Variants in GALNT15 observed in about 807,000 individuals in gnomAD.
GALNT15 encodes the protein polypeptide N-acetylgalactosaminyltransferase 15.
A neutral mutation model predicts 66.8 loss-of-function variants in GALNT15; 67 were observed. The ratio of observed to expected loss-of-function variants is 1.00; its 90% confidence interval spans 0.82 to 1.23. GALNT15 has a LOEUF of 1.23. Among genes scored for constraint, GALNT15 ranks in the 50% most tolerant of loss-of-function variants. The pLI is 0.00. For synonymous variants in GALNT15, 313 were observed against 311.5 expected (o/e 1.00, Z -0.05); for missense variants, 827 against 804.3 (o/e 1.03, Z -0.34).
chr3:16,183,487 A>G lies in GALNT15; in HGVS notation c.539+7797A>G, dbSNP rs2063489080. 6.6e-6 allele frequency among the ~76,000 whole-genome samples: 1 copy of G among 152,228 alleles called. No individual in the cohort carries two copies. The highest frequency in any genetic ancestry group is 2.4e-5 in the African/African-American group (1 of 41,452). On this transcript the variant is annotated intron_variant, in intron 1 of 9. Transcript: ENST00000339732. This position sits in a 1 kb window ranked among gnomAD's most constrained non-coding sequence, Gnocchi z 5.2. The stretch of plus-strand genomic sequence containing the variant: ...ACTCCCCTGTTAATCTTGACAACCA[A>G]CTTACACACTTCCTGAGAACAAGTT...
Position 16,211,258 on chromosome 3 carries a change from G to A in GALNT15, c.1197+17G>A. ...TCTTTCAAGGTATGTCCTGGACCAAGGGAGGACAGAGGTGGGATCTCTGGA... is the reference window on the plus strand; with the variant it reads ...TCTTTCAAGGTATGTCCTGGACCAAAGGAGGACAGAGGTGGGATCTCTGGA... On this transcript the variant is annotated intron_variant, in intron 5 of 9. Coordinates refer to ENST00000339732, the MANE Select transcript of GALNT15 (RefSeq NM_054110.5). The surrounding 1 kb of genome is among the most constrained non-coding windows in gnomAD (Gnocchi z 4.3). 1 of 1,522,150 alleles carries A rather than the reference G, an allele frequency of 6.6e-7. No individual in the cohort carries two copies. Among genetic ancestry groups the A allele is most frequent in the Admixed American group, 1.7e-5 (1 of 59,912 alleles). 94.3% of individuals were successfully genotyped at this position (1,522,150 alleles called of 1,614,324 possible).
chr3:16,228,025 G>A lies in GALNT15; in HGVS notation c.*525G>A. ...TTTGTTGAGCCATATCTCAGAAGAA[G>A]GAAAGGGAGCTACAGAAAGGAGGTT... On this transcript the variant is annotated 3_prime_UTR_variant, in exon 10 of 10. Transcript: ENST00000339732. 5.1e-6 allele frequency: 5 copies of A among 987,408 alleles called. No homozygotes were observed. Among genetic ancestry groups the A allele is most frequent in the Non-Finnish European group, 6.0e-6 (5 of 831,198 alleles). The allele number at this position is 987,408 out of a possible 1,614,324, so 61.2% of individuals were successfully genotyped here.
chr3:16,247,190 A>G, the GALNT15 span, among the ~76,000 whole-genome samples: 1 of 152,046 alleles, frequency 6.6e-6, no homozygotes, highest in Admixed American at 6.6e-5. Context: ...CTTATCAGCC[A>G]TGACACAGAA....
chr3:16,215,936 A>G (rs2063870596), intron 6 of GALNT15, among the ~76,000 whole-genome samples: 2 of 150,996 alleles, frequency 1.3e-5, no homozygotes, highest in Non-Finnish European at 2.9e-5. Context: ...GAAGAGGAAG[A>G]AGAAGAAGAA....
At chr3:16,196,504 A>G (rs1424158910) in intron 2 of GALNT15, among the ~76,000 whole-genome samples, 1 of 152,180 alleles carries the variant, frequency 6.6e-6, no homozygotes, top group Non-Finnish European at 1.5e-5. Flanking sequence ...TTCCTCTCAC[A>G]GGAACCTGGC....
the GALNT15 span, among the ~76,000 whole-genome samples, chr3:16,244,575 G>T: frequency 2.6e-5 from 4 of 152,324 alleles, no homozygotes; most frequent in Middle Eastern, 3.4e-3. Context: ...AGCACAGTTG[G>T]GGTACACACT....
chr3:16,246,152 G>A, the GALNT15 span, among the ~76,000 whole-genome samples: 4 of 151,822 alleles, frequency 2.6e-5, no homozygotes, highest in African/African-American at 9.7e-5. Flanking sequence ...GAAACAACCT[G>A]ACCTCCTTAG....
Position 16,204,691 on chromosome 3 carries a change from T to C in GALNT15, c.912-3812T>C, listed in dbSNP as rs568631457. The stretch of plus-strand genomic sequence containing the variant: ...TGAAAGGGGCTGAAAGATGATATCA[T>C]CTCAAGAAGCTGAACAAGTTATCTC... On this transcript the variant is annotated intron_variant, in intron 3 of 9. Transcript: ENST00000339732. This position sits in a 1 kb window ranked among gnomAD's most constrained non-coding sequence, Gnocchi z 4.5. Among the ~76,000 whole-genome samples the C allele has an allele frequency of 5.9e-5, 9 of 152,270 alleles. No individual in the cohort carries two copies. The East Asian group carries it at 1.4e-3, about 23-fold the overall frequency.
Position 16,219,136 on chromosome 3 carries a change from T to C in GALNT15, c.1393-267T>C, listed in dbSNP as rs116457895. Among the ~76,000 whole-genome samples the C allele has an allele frequency of 6.3e-3, 956 of 152,220 alleles. 4 individuals are homozygous for C. The highest frequency in any genetic ancestry group is 0.011 in the Non-Finnish European group (734 of 68,012). On this transcript the variant is annotated intron_variant, in intron 6 of 9. Coordinates refer to ENST00000339732, the MANE Select transcript of GALNT15 (RefSeq NM_054110.5). This position sits in a 1 kb window ranked among gnomAD's most constrained non-coding sequence, Gnocchi z 4.3. ...ATTGTAGTCTTTATAGACTGGAGATTTGAGGGATTGTGGGAAGGGGCTGAT... is the reference window on the plus strand; with the variant it reads ...ATTGTAGTCTTTATAGACTGGAGATCTGAGGGATTGTGGGAAGGGGCTGAT...
rs1451894280 is a variant in GALNT15, at chr3:16,204,033, G to A, written c.911+3210G>A. ...GACACAGTGCCCAAAAGACAGAAAA[G>A]GGTCTTTAAGAGCTCTTATAAAAAA... On this transcript the variant is annotated intron_variant, in intron 3 of 9. Transcript: ENST00000339732. The surrounding 1 kb of genome is among the most constrained non-coding windows in gnomAD (Gnocchi z 4.5). Among the ~76,000 whole-genome samples, 1 of 151,906 alleles carries A rather than the reference G, an allele frequency of 6.6e-6. No homozygotes were observed. The highest frequency in any genetic ancestry group is 1.5e-5 in the Non-Finnish European group (1 of 68,004).
At position 16,180,593 on chromosome 3, in the gene GALNT15, T is replaced by G. The variant is rs1406747126; in HGVS notation, c.539+4903T>G. Among the ~76,000 whole-genome samples the G allele has an allele frequency of 1.3e-5, 2 of 152,152 alleles. No individual in the cohort carries two copies. Among genetic ancestry groups the G allele is most frequent in the Non-Finnish European group, 2.9e-5 (2 of 68,038 alleles). On this transcript the variant is annotated intron_variant, in intron 1 of 9. Transcript: ENST00000339732. The surrounding 1 kb of genome is among the most constrained non-coding windows in gnomAD (Gnocchi z 5.0). ...TGAGTTGGAGCCCAGTAATCAGAAT[T>G]TTTTTAAGCTGATGCTAGATAGTCT...
At position 16,203,885 on chromosome 3, in the gene GALNT15, G is replaced by A. The variant is rs533295844; in HGVS notation, c.911+3062G>A. Among the ~76,000 whole-genome samples the A allele has an allele frequency of 4.3e-4, 66 of 152,162 alleles. No individual in the cohort carries two copies. The highest frequency in any genetic ancestry group is 1.2e-3 in the Admixed American group (19 of 15,270). ...TGTGCTTTACTCCCCCAGGGACGTC[G>A]CCCACGTGCCTCATACAAAGCCAAG... On this transcript the variant is annotated intron_variant, in intron 3 of 9. Coordinates refer to ENST00000339732, the MANE Select transcript of GALNT15 (RefSeq NM_054110.5). This position sits in a 1 kb window ranked among gnomAD's most constrained non-coding sequence, Gnocchi z 6.2.
downstream of GALNT15, among the ~76,000 whole-genome samples, chr3:16,232,383 TAGTA>T (rs2064089609): frequency 6.7e-6 from 1 of 148,584 alleles, no homozygotes; most frequent in South Asian, 2.2e-4. Context: ...CTGAGCAACA[TAGTA>T]AGACCCTATC....
At position 16,219,824 on chromosome 3, in the gene GALNT15, A is replaced by C; in HGVS notation, c.1525-86A>C. The C allele has an allele frequency of 8.6e-7, 1 of 1,156,644 alleles. No individual in the cohort carries two copies. The highest frequency in any genetic ancestry group is 1.3e-6 in the Non-Finnish European group (1 of 766,394). 71.6% of individuals were successfully genotyped at this position (1,156,644 alleles called of 1,614,324 possible). A position where few individuals can be genotyped will look rare whatever the true frequency, so the allele number is the denominator to read the frequency against. On this transcript the variant is annotated intron_variant, in intron 7 of 9. Coordinates refer to ENST00000339732, the MANE Select transcript of GALNT15 (RefSeq NM_054110.5). This position sits in a 1 kb window ranked among gnomAD's most constrained non-coding sequence, Gnocchi z 4.3. ...CAATGTGCCTTGGGCTGCACTCCAG[A>C]GAATACAGCAAAGGAATGGTGTCTG...
chr3:16,244,292 A>C, the GALNT15 span, among the ~76,000 whole-genome samples: 3 of 152,210 alleles, frequency 2.0e-5, no homozygotes, highest in Admixed American at 6.5e-5. Context: ...AGGGTGACAA[A>C]GCATGATGGT....
the GALNT15 span, among the ~76,000 whole-genome samples, chr3:16,237,839 G>A: frequency 6.6e-6 from 1 of 152,134 alleles, no homozygotes; most frequent in Non-Finnish European, 1.5e-5. This position sits in a 1 kb window ranked among gnomAD's most constrained non-coding sequence, Gnocchi z 4.2. Flanking sequence ...CCCGCTCCCT[G>A]ACCCTGGCTA....
the GALNT15 span, among the ~76,000 whole-genome samples, chr3:16,240,019 C>T: frequency 6.6e-6 from 1 of 152,234 alleles, no homozygotes; most frequent in African/African-American, 2.4e-5. Flanking sequence ...AATCCTCCAA[C>T]CCTTTGGTTC....
At chr3:16,235,101 T>C (rs1206136938), downstream of GALNT15, among the ~76,000 whole-genome samples, 1 of 152,072 alleles carries the variant, frequency 6.6e-6, no homozygotes, top group East Asian at 1.9e-4. Flanking sequence ...TTTTTGGTAT[T>C]TTTAGTAAAG....
the GALNT15 span, among the ~76,000 whole-genome samples, chr3:16,243,376 G>C: frequency 6.6e-6 from 1 of 152,216 alleles, no homozygotes; most frequent in African/African-American, 2.4e-5. Context: ...GTTCCCTCAG[G>C]TCAGAGCCCA....
Sources: allele counts gnomAD v4.1 joint callset (sites outside exome capture counted in the v4.1 genomes callset), GRCh38; gene constraint gnomAD v4.1.1; non-coding constraint Gnocchi (gnomAD v3.1); transcripts MANE v1.5; gene names NCBI Gene and HGNC (gene_info 2026-07-23, HGNC 2026-07-21).